The following DLG2 variants were observed in gnomAD, a reference collection of about 807,000 sequenced individuals.
DLG2 encodes the protein discs large MAGUK scaffold protein 2.
A neutral mutation model predicts 132.5 loss-of-function variants in DLG2; 45 were observed. The observed-to-expected ratio is 0.34, with a 90% CI of 0.27 to 0.44. DLG2 has a LOEUF of 0.44. Among genes scored for constraint, DLG2 ranks in the 20% least tolerant of loss-of-function variants. The pLI is 1.00. For synonymous variants in DLG2, 424 were observed against 419.6 expected, an observed-to-expected ratio of 1.01 and a Z score of -0.13; for missense variants, 1,045 against 1,196.9, an observed-to-expected ratio of 0.87 and a Z score of 1.87.
intron 5 of DLG2, among the ~76,000 whole-genome samples, chr11:85,113,714 C>A (rs1409071716): frequency 2.6e-5 from 4 of 152,032 alleles, no homozygotes; most frequent in Non-Finnish European, 4.4e-5. Flanking sequence ...TTAGACCACA[C>A]TTTTCTCATC....
In DLG2 at chr11:84,608,655, C is replaced by T. The variant is rs561759774; in HGVS notation, c.358-73924G>A. Among the ~76,000 whole-genome samples the T allele has an allele frequency of 1.1e-4, 16 of 152,214 alleles. No individual in the cohort carries two copies. In the East Asian group the frequency reaches 2.9e-3, roughly 28 times the overall value. ...CTCAGGGCCCAGTTTTTTGCCGTGG[C>T]ATCCATAGTGAGTAGGGCCACTTGA... On this transcript the variant is annotated intron_variant, in intron 6 of 27. Coordinates refer to ENST00000376104, the MANE Select transcript of DLG2 (RefSeq NM_001142699.3).
At chr11:83,565,026 A>C (rs1353899259) in intron 19 of DLG2, among the ~76,000 whole-genome samples, 2 of 152,160 alleles carry the variant, frequency 1.3e-5, no homozygotes, top group Non-Finnish European at 2.9e-5. Context: ...CTGGACTATG[A>C]TCTCCTTGAG....
At chr11:84,468,524 A>G (rs1433115097) in intron 7 of DLG2, among the ~76,000 whole-genome samples, 1 of 151,518 alleles carries the variant, frequency 6.6e-6, no homozygotes, top group African/African-American at 2.4e-5. Context: ...CAAATACCAC[A>G]TTCTTATATC....
intron 5 of DLG2, among the ~76,000 whole-genome samples, chr11:85,130,389 C>T (rs77082393): frequency 0.011 from 1,671 of 152,160 alleles, 33 homozygotes; most frequent in African/African-American, 0.038. Flanking sequence ...AATGGCAGAA[C>T]TCAGAGCTCA....
intron 6 of DLG2, among the ~76,000 whole-genome samples, chr11:84,945,984 G>A (rs2050147680): frequency 6.6e-6 from 1 of 151,796 alleles, no homozygotes; most frequent in Admixed American, 6.6e-5. Flanking sequence ...CCCTGTGGCT[G>A]CGAGTGTCTC....
intron 6 of DLG2, among the ~76,000 whole-genome samples, chr11:84,822,366 T>G (rs1405448863): frequency 6.6e-6 from 1 of 151,850 alleles, no homozygotes; most frequent in Non-Finnish European, 1.5e-5. Flanking sequence ...GGGGTAAGCT[T>G]ATTTTTTAAA....
At chr11:84,391,196 T>C (rs566393629) in intron 7 of DLG2, among the ~76,000 whole-genome samples, 41 of 152,280 alleles carry the variant, frequency 2.7e-4, no homozygotes, top group Admixed American at 1.3e-4. Context: ...GCTACATTCA[T>C]ACAGGGAAAG....
chr11:85,562,168 A>G (rs1387697174), intron 3 of DLG2, among the ~76,000 whole-genome samples: 1 of 151,840 alleles, frequency 6.6e-6, no homozygotes, highest in Non-Finnish European at 1.5e-5. Context: ...TGCTGGAGTT[A>G]ATTCTACTGT....
At chr11:84,034,792 A>G (rs2095816466) in intron 11 of DLG2, among the ~76,000 whole-genome samples, 1 of 152,184 alleles carries the variant, frequency 6.6e-6, no homozygotes, top group African/African-American at 2.4e-5. Context: ...AGATACAATA[A>G]CAAGCCTGTC....
intron 19 of DLG2, among the ~76,000 whole-genome samples, chr11:83,629,047 G>T (rs2063116887): frequency 6.6e-6 from 1 of 152,080 alleles, no homozygotes; most frequent in Non-Finnish European, 1.5e-5. Context: ...TATTTGAAAG[G>T]CTCTTGGTTA....
At chr11:85,320,780 A>G (rs1012189531) in intron 3 of DLG2, among the ~76,000 whole-genome samples, 4 of 151,876 alleles carry the variant, frequency 2.6e-5, no homozygotes, top group African/African-American at 9.7e-5. Flanking sequence ...TAAGTCAGGA[A>G]TGTACTATTC....
At chr11:84,488,042 A>G (rs891658299) in intron 7 of DLG2, among the ~76,000 whole-genome samples, 2 of 152,194 alleles carry the variant, frequency 1.3e-5, no homozygotes. Context: ...CTCAAGACAT[A>G]CTATCTTTAA....
chr11:84,519,165 CAAG>C (rs1170864041), intron 7 of DLG2, among the ~76,000 whole-genome samples: 10 of 152,038 alleles, frequency 6.6e-5, no homozygotes, highest in East Asian at 5.8e-4. Context: ...GGTACAGAGA[CAAG>C]AAGAAGAATT....
chr11:84,882,345 G>A (rs1188008806), intron 6 of DLG2, among the ~76,000 whole-genome samples: 1 of 151,996 alleles, frequency 6.6e-6, no homozygotes, highest in Non-Finnish European at 1.5e-5. Context: ...TGCCGTGTGA[G>A]GACATGTTTA....
chr11:85,060,890 T>G (rs748331689), intron 6 of DLG2, among the ~76,000 whole-genome samples: 1 of 151,212 alleles, frequency 6.6e-6, no homozygotes, highest in Non-Finnish European at 1.5e-5. Context: ...GTTTGTTTTG[T>G]TTTTGGTTTT....
chr11:85,563,404 A>G (rs1261621578), intron 3 of DLG2, among the ~76,000 whole-genome samples: 1 of 151,242 alleles, frequency 6.6e-6, no homozygotes, highest in African/African-American at 2.4e-5. Flanking sequence ...AATGTCCATT[A>G]GTAAATGAGT....
chr11:85,410,685 G>A (rs973334730), intron 3 of DLG2, among the ~76,000 whole-genome samples: 10 of 151,780 alleles, frequency 6.6e-5, no homozygotes, highest in African/African-American at 2.4e-4. Flanking sequence ...CGCTGAAAAT[G>A]TGCATATTTA....
intron 21 of DLG2, among the ~76,000 whole-genome samples, chr11:83,489,701 T>A (rs539403029): frequency 3.2e-4 from 48 of 150,442 alleles, no homozygotes; most frequent in Non-Finnish European, 5.9e-4. Context: ...AGTACTTATG[T>A]ACCCCCTGAG....
At chr11:85,092,416 A>C (rs2068936208) in intron 6 of DLG2, among the ~76,000 whole-genome samples, 1 of 152,150 alleles carries the variant, frequency 6.6e-6, no homozygotes. Context: ...ATTCTGAAAA[A>C]ATAATTTTAA....
Sources: gnomAD v4.1 joint callset for allele counts (sites outside exome capture counted in the v4.1 genomes callset) on GRCh38, gnomAD v4.1.1 for gene constraint, MANE v1.5 for transcripts, NCBI Gene and HGNC (gene_info 2026-07-23, HGNC 2026-07-21) for gene names.